COBLL1: variants seen among roughly 807,000 people sequenced by gnomAD.
COBLL1 encodes the protein cordon-bleu protein-like 1.
COBLL1 carries 50 observed loss-of-function variants against 94.8 expected under a neutral mutation model. The ratio of observed to expected loss-of-function variants is 0.53; its 90% CI spans 0.42 to 0.67. The LOEUF is 0.67. Ranked by LOEUF, COBLL1 falls within the 30% of genes least tolerant of loss-of-function variation. The probability of loss-of-function intolerance (pLI) is 0.00; values close to 1 mark genes in which losing one functional copy is unlikely to be tolerated. For missense variants in COBLL1, 1,362 were observed against 1,348.7 expected, an observed-to-expected ratio of 1.01 and a Z score of -0.15; for synonymous variants, 448 against 473.8, an observed-to-expected ratio of 0.95 and a Z score of 0.71.
chr2:164,811,045 A>T (rs932182102), intron 2 of COBLL1, among the ~76,000 whole-genome samples: 1 of 151,964 alleles, frequency 6.6e-6, no homozygotes, highest in South Asian at 2.1e-4. Context: ...TTACAGAAGT[A>T]TTGAATTAGT....
At chr2:164,803,513 C>T (rs1416848928) in intron 2 of COBLL1, among the ~76,000 whole-genome samples, 2 of 150,472 alleles carry the variant, frequency 1.3e-5, no homozygotes, top group East Asian at 1.9e-4. Flanking sequence ...TGCAGTGAGC[C>T]GAGATCCCGC....
Position 164,841,097 on chromosome 2 carries a change from C to G in COBLL1, c.41+59G>C. The G allele has an allele frequency of 2.9e-5, 36 of 1,227,004 alleles. No homozygotes were observed. Among genetic ancestry groups the G allele is most frequent in the Non-Finnish European group, 3.7e-5 (36 of 984,376 alleles). 76.0% of individuals were successfully genotyped at this position (1,227,004 alleles called of 1,614,324 possible). A position where few individuals can be genotyped will look rare whatever the true frequency, so the allele number is the denominator to read the frequency against. ...CAGCCAGGTGAAACGGCCGAGGCCT[C>G]GCTGTCCTCGCCGGCCTCGCCCTCC... On this transcript the variant is annotated intron_variant, in intron 2 of 13. Coordinates refer to ENST00000652658, the MANE Select transcript of COBLL1 (RefSeq NM_001365672.2). The surrounding 1 kb of genome is among the most constrained non-coding windows in gnomAD (Gnocchi z 5.5).
chr2:164,669,320 G>C (rs75948686), intron 1 of COBLL1, among the ~76,000 whole-genome samples: 3,850 of 152,244 alleles, frequency 0.025, 80 homozygotes, highest in Non-Finnish European at 0.038. Context: ...AACACATTCT[G>C]ATTGCTTCTC....
intron 7 of COBLL1, among the ~76,000 whole-genome samples, chr2:164,709,542 AC>A (rs1684774425): frequency 6.6e-6 from 1 of 152,082 alleles, no homozygotes; most frequent in Non-Finnish European, 1.5e-5. Flanking sequence ...ACATGGTGAA[AC>A]CCCGTCTCTA....
chr2:164,738,543 G>C (rs994498591), intron 3 of COBLL1, among the ~76,000 whole-genome samples: 4 of 151,962 alleles, frequency 2.6e-5, no homozygotes, highest in Admixed American at 1.3e-4. Flanking sequence ...TTTCTGAGAA[G>C]AAGAGCCACG....
intron 2 of COBLL1, among the ~76,000 whole-genome samples, chr2:164,808,734 TACA>T (rs955420529): frequency 4.6e-5 from 7 of 152,142 alleles, no homozygotes; most frequent in African/African-American, 1.4e-4. Flanking sequence ...TTTAAAAAAA[TACA>T]ACACTATTAC....
At chr2:164,714,696 C>G (rs1169739247) in intron 7 of COBLL1, among the ~76,000 whole-genome samples, 1 of 152,098 alleles carries the variant, frequency 6.6e-6, no homozygotes, top group Non-Finnish European at 1.5e-5. Flanking sequence ...CTTCTATCTG[C>G]CCTGGCCTCT....
chr2:164,722,045 A>G (rs767843242), intron 7 of COBLL1, 30 bp downstream of exon 7: 1 of 1,524,014 alleles, frequency 6.6e-7, no homozygotes, highest in Non-Finnish European at 8.8e-7. Flanking sequence ...CCTCATCCAA[A>G]AAAACAAAAT....
chr2:164,675,978 TGAA>T (rs1445212307), downstream of COBLL1, among the ~76,000 whole-genome samples: 2 of 152,092 alleles, frequency 1.3e-5, no homozygotes, highest in Admixed American at 6.5e-5. Context: ...ATACTGCAGT[TGAA>T]GGACAAGATA....
intron 2 of COBLL1, chr2:164,665,704 G>A (rs1691149546): frequency 6.6e-6 from 1 of 152,124 alleles, no homozygotes; most frequent in African/African-American, 2.4e-5. Flanking sequence ...TTTGAGAAAT[G>A]CAAAATAATT....
At position 164,722,165 on chromosome 2, in the gene COBLL1, T is replaced by C; in HGVS notation, c.906A>G (p.Ala302=). The part of the protein sequence containing the change: ...KRRAPLPPMP[A]SQSVPQDLAH... ...CAAGGTCTTGGGGGACACTCTGAGA[T>C]GCTGGCATCGGGGGCAGTGGAGCCC... Residue 302 remains alanine (A), a synonymous_variant, in exon 7 of 14, where the codon GCA becomes GCG. Coordinates refer to ENST00000652658, the MANE Select transcript of COBLL1 (RefSeq NM_001365672.2). 1 of 1,614,086 alleles carries C rather than the reference T, an allele frequency of 6.2e-7. No individual in the cohort carries two copies. The highest frequency in any genetic ancestry group is 8.5e-7 in the Non-Finnish European group (1 of 1,179,984).
chr2:164,754,029 G>A (rs1687269152), intron 2 of COBLL1, among the ~76,000 whole-genome samples: 1 of 152,032 alleles, frequency 6.6e-6, no homozygotes, highest in African/African-American at 2.4e-5. Flanking sequence ...CACCGTGCTG[G>A]CCCAGAATCT....
At chr2:164,725,559 C>T (rs1416417032) in intron 5 of COBLL1, among the ~76,000 whole-genome samples, 2 of 152,144 alleles carry the variant, frequency 1.3e-5, no homozygotes. Flanking sequence ...GCTGGGACTA[C>T]AGGCATGTGC....
intron 2 of COBLL1, among the ~76,000 whole-genome samples, chr2:164,835,675 GA>G (rs1188862134): frequency 6.6e-6 from 1 of 152,070 alleles, no homozygotes. Flanking sequence ...CCACAATGGA[GA>G]AAAAGGGGGA....
chr2:164,743,924 G>A (rs1686729340), intron 2 of COBLL1, 49 bp from the exon 3 acceptor site: 2 of 1,313,132 alleles, frequency 1.5e-6, no homozygotes, highest in South Asian at 3.4e-5. Flanking sequence ...TATTTTTAAG[G>A]TAACTTTTTA....
chr2:164,784,846 C>A (rs1267427227), intron 2 of COBLL1, among the ~76,000 whole-genome samples: 2 of 152,032 alleles, frequency 1.3e-5, no homozygotes, highest in East Asian at 3.9e-4. Flanking sequence ...AATTAAAATA[C>A]ATATAAAATG....
chr2:164,739,204 T>A (rs930393971), intron 3 of COBLL1, among the ~76,000 whole-genome samples: 2 of 152,156 alleles, frequency 1.3e-5, no homozygotes, highest in African/African-American at 4.8e-5. Context: ...AGCTGGCAGA[T>A]GGCTACCAAC....
chr2:164,810,943 T>C (rs904220627), intron 2 of COBLL1, among the ~76,000 whole-genome samples: 2 of 151,670 alleles, frequency 1.3e-5, no homozygotes, highest in South Asian at 4.1e-4. Context: ...AAACCTAGAG[T>C]TAGTCAAATA....
At chr2:164,675,233 A>T (rs967451702), downstream of COBLL1, among the ~76,000 whole-genome samples, 1 of 152,196 alleles carries the variant, frequency 6.6e-6, no homozygotes, top group African/African-American at 2.4e-5. Context: ...GGGAAGGAGG[A>T]AACCAATTTC....
Sources: allele counts gnomAD v4.1 joint callset (sites outside exome capture counted in the v4.1 genomes callset), GRCh38; gene constraint gnomAD v4.1.1; non-coding constraint Gnocchi (gnomAD v3.1); transcripts MANE v1.5; gene names NCBI Gene and HGNC (gene_info 2026-07-23, HGNC 2026-07-21).